Variants in PDE10A observed in about 807,000 individuals in gnomAD.
PDE10A encodes the protein cAMP and cAMP-inhibited cGMP 3',5'-cyclic phosphodiesterase 10A.
PDE10A carries 39 observed loss-of-function variants against 97.7 expected under a neutral mutation model. The ratio of observed to expected loss-of-function variants is 0.40; its 90% CI spans 0.31 to 0.52. The LOEUF is 0.52. Ranked by LOEUF, PDE10A falls within the 20% of genes least tolerant of loss-of-function variation. The pLI, the probability that PDE10A is intolerant of heterozygous loss-of-function variation, is 0.56. For missense variants in PDE10A, 731 were observed against 1,047.8 expected (o/e 0.70, Z 4.17); for synonymous variants, 371 against 376.8 (o/e 0.98, Z 0.18).
chr6:165,838,269 T>G (rs1780120668), intron 1 of PDE10A, among the ~76,000 whole-genome samples: 1 of 152,220 alleles, frequency 6.6e-6, no homozygotes, highest in South Asian at 2.1e-4. Context: ...TGGAATGCCT[T>G]TTGGCCAAAA....
rs575829095 is a variant in PDE10A at position 165,531,289 on chromosome 6, T to C, written c.994+12151A>G. 3.2e-4 allele frequency among the ~76,000 whole-genome samples: 48 copies of C among 151,774 alleles called. 1 individual carries two copies. Among genetic ancestry groups the C allele is most frequent in the African/African-American group, 1.2e-3 (48 of 41,292 alleles). Reference sequence around the variant, plus strand: ...GATTCAAAGCTCCATTATAGCTGAATCTGTGTCTAATGCTTAGCAAGCGTT... The same window carrying C: ...GATTCAAAGCTCCATTATAGCTGAACCTGTGTCTAATGCTTAGCAAGCGTT... On this transcript the variant is annotated intron_variant, in intron 2 of 21. Transcript: ENST00000539869.
intron 1 of PDE10A, among the ~76,000 whole-genome samples, chr6:165,827,855 C>A (rs978532801): frequency 2.3e-4 from 35 of 152,284 alleles, no homozygotes; most frequent in Admixed American, 7.2e-4. Flanking sequence ...CATTCTTACG[C>A]CTTTGCATCC....
chr6:165,694,394 C>T (rs1791388232), intron 1 of PDE10A, among the ~76,000 whole-genome samples: 1 of 152,260 alleles, frequency 6.6e-6, no homozygotes, highest in Non-Finnish European at 1.5e-5. Context: ...CAGCCAGCAA[C>T]AGTGAGACAA....
intron 1 of PDE10A, among the ~76,000 whole-genome samples, chr6:165,810,488 C>T (rs1779251395): frequency 6.6e-6 from 1 of 152,174 alleles, no homozygotes; most frequent in African/African-American, 2.4e-5. Context: ...GAGCACTCAG[C>T]TTCATGGGCC....
chr6:165,359,963 C>T, intron 18 of PDE10A, among the ~76,000 whole-genome samples: 1 of 152,104 alleles, frequency 6.6e-6, no homozygotes, highest in South Asian at 2.1e-4. Context: ...GTCATGATGT[C>T]TCCCTTTTGA....
intron 1 of PDE10A, chr6:165,545,335 A>G (rs1583510957): frequency 8.1e-6 from 3 of 372,504 alleles, no homozygotes; most frequent in South Asian, 2.3e-5. Flanking sequence ...AGTCAAAACT[A>G]TATGAGTTAT....
intron 19 of PDE10A, among the ~76,000 whole-genome samples, chr6:165,340,444 A>G (rs1032301974): frequency 6.6e-6 from 1 of 152,200 alleles, no homozygotes; most frequent in African/African-American, 2.4e-5. Flanking sequence ...GTCCTGACAA[A>G]GCAAAGCCAC....
chr6:165,627,453 T>C (rs1238712806), intron 1 of PDE10A, among the ~76,000 whole-genome samples: 2 of 152,234 alleles, frequency 1.3e-5, no homozygotes, highest in East Asian at 1.9e-4. Context: ...TGATGCCAGA[T>C]GGGCCTAAAT....
chr6:165,644,028 T>G (rs985819338), intron 1 of PDE10A, among the ~76,000 whole-genome samples: 2 of 152,188 alleles, frequency 1.3e-5, no homozygotes, highest in Non-Finnish European at 2.9e-5. Context: ...GCAGACCTGT[T>G]GTCAGGTAGA....
intron 1 of PDE10A, among the ~76,000 whole-genome samples, chr6:165,980,688 T>C (rs1482047808): frequency 6.6e-6 from 1 of 152,144 alleles, no homozygotes; most frequent in Non-Finnish European, 1.5e-5. Context: ...TAGGTGACAT[T>C]TGGGGTTGGA....
At chr6:165,391,230 T>C (rs921331632) in intron 16 of PDE10A, among the ~76,000 whole-genome samples, 1 of 152,170 alleles carries the variant, frequency 6.6e-6, no homozygotes, top group Non-Finnish European at 1.5e-5. Flanking sequence ...AAATATGTTT[T>C]AAATATTTAC....
intron 1 of PDE10A, chr6:165,894,502 G>A (rs907942125): frequency 1.5e-5 from 7 of 455,960 alleles, no homozygotes; most frequent in East Asian, 1.4e-4. Context: ...AGCCCTTCGT[G>A]TGCAAAAGAT....
intron 1 of PDE10A, among the ~76,000 whole-genome samples, chr6:165,958,747 G>GAAAGAAAGAAAGAAAGAAAA (rs10654760): frequency 9.4e-6 from 1 of 106,134 alleles, no homozygotes; most frequent in Non-Finnish European, 2.0e-5. Flanking sequence ...AAGAAAGAAA[G>GAAAGAAAGAAAGAAAGAAAA]AGAAAGAAAG....
At chr6:165,742,312 C>A (rs1032285518) in intron 1 of PDE10A, among the ~76,000 whole-genome samples, 6 of 152,308 alleles carry the variant, frequency 3.9e-5, no homozygotes, top group Non-Finnish European at 8.8e-5. Flanking sequence ...ATCAAGTGCT[C>A]TCGCTGTTTC....
At chr6:165,528,286 G>A (rs1314188410) in intron 2 of PDE10A, among the ~76,000 whole-genome samples, 1 of 152,178 alleles carries the variant, frequency 6.6e-6, no homozygotes, top group African/African-American at 2.4e-5. Context: ...GTAATCAAGT[G>A]GATAGGATGA....
chr6:165,413,411 G>GA (rs11296579), intron 13 of PDE10A, 90 bp downstream of exon 13: 20,405 of 367,868 alleles, frequency 0.055, 324 homozygotes, highest in South Asian at 0.15. Context: ...AAATATAAAT[G>GA]AAAAAAAAAA....
intron 18 of PDE10A, among the ~76,000 whole-genome samples, chr6:165,355,832 C>T (rs773425033): frequency 1.5e-4 from 23 of 152,112 alleles, no homozygotes; most frequent in Non-Finnish European, 3.1e-4. Context: ...ATTCTATACT[C>T]TTACCAGCAA....
intron 1 of PDE10A, among the ~76,000 whole-genome samples, chr6:165,770,294 G>C (rs2128459718): frequency 6.6e-6 from 1 of 151,772 alleles, no homozygotes; most frequent in Middle Eastern, 3.4e-3. Context: ...CTTAGGAATT[G>C]TAGAATAACA....
chr6:165,496,357 T>C (rs1436826200), intron 2 of PDE10A, among the ~76,000 whole-genome samples: 1 of 152,174 alleles, frequency 6.6e-6, no homozygotes, highest in African/African-American at 2.4e-5. Flanking sequence ...ACGACAGAAA[T>C]AAGGAAGACA....
Sources: gnomAD v4.1 joint callset for allele counts (sites outside exome capture counted in the v4.1 genomes callset) on GRCh38, gnomAD v4.1.1 for gene constraint, MANE v1.5 for transcripts, NCBI Gene and HGNC (gene_info 2026-07-23, HGNC 2026-07-21) for gene names.